The following TANGO6 variants were observed in gnomAD, a reference collection of about 807,000 sequenced individuals.
TANGO6 encodes the protein transport and golgi organization 6 homolog.
Under a neutral mutation model 114.2 loss-of-function variants are expected in TANGO6, and 90 were observed. That is an observed-to-expected ratio of 0.79 (90% CI 0.66 to 0.94). The LOEUF (loss-of-function observed/expected upper bound fraction) is 0.94. Ranked by LOEUF, TANGO6 falls within the 40% of genes least tolerant of loss-of-function variation. The pLI is 0.00. For missense variants in TANGO6, 1,274 were observed against 1,315.3 expected, an observed-to-expected ratio of 0.97 and a Z score of 0.49; for synonymous variants, 477 against 509.8, an observed-to-expected ratio of 0.94 and a Z score of 0.87.
intron 14 of TANGO6, among the ~76,000 whole-genome samples, chr16:68,943,536 T>C (rs1963379314): frequency 6.6e-6 from 1 of 151,992 alleles, no homozygotes; most frequent in African/African-American, 2.4e-5. Context: ...GGCTAATTTT[T>C]TGTGTTTTTT....
At position 68,989,236 on chromosome 16, in the gene TANGO6, TTACACATA is replaced by T. The variant is rs1963925133; in HGVS notation, c.2842+15071_2842+15078del. Reference sequence around the variant, plus strand: ...ATTTTTAAATTTTCATTCTAGGACTTTACACATATATTAGATTTTTTTGTTCTTGTTCT... The same window carrying T: ...ATTTTTAAATTTTCATTCTAGGACTTTATTAGATTTTTTTGTTCTTGTTCT... On this transcript the variant is annotated intron_variant, in intron 15 of 17. Coordinates refer to ENST00000261778, the MANE Select transcript of TANGO6 (RefSeq NM_024562.2). 2.6e-5 allele frequency among the ~76,000 whole-genome samples: 4 copies of T among 152,220 alleles called. No homozygotes were observed. In the South Asian group the frequency reaches 8.3e-4, roughly 32 times the overall value.
intron 17 of TANGO6, among the ~76,000 whole-genome samples, chr16:69,077,217 T>C (rs1171115200): frequency 6.6e-6 from 1 of 151,780 alleles, no homozygotes; most frequent in Non-Finnish European, 1.5e-5. Flanking sequence ...TTTTATTTTA[T>C]TTTATTTTAT....
At chr16:68,962,809 C>G (rs1446648705) in intron 14 of TANGO6, among the ~76,000 whole-genome samples, 1 of 151,476 alleles carries the variant, frequency 6.6e-6, no homozygotes, top group South Asian at 2.1e-4. Context: ...CGGCCGGGCG[C>G]GGTGGCTCAT....
At chr16:69,081,832 C>CTT (rs1346630417) in intron 17 of TANGO6, among the ~76,000 whole-genome samples, 2,681 of 138,814 alleles carry the variant, frequency 0.019, 22 homozygotes, top group Non-Finnish European at 0.027. Flanking sequence ...TAGTAGCAGA[C>CTT]TTTTTTTTTT....
intron 17 of TANGO6, among the ~76,000 whole-genome samples, chr16:69,044,087 CAG>C (rs1567564646): frequency 6.6e-6 from 1 of 152,168 alleles, no homozygotes; most frequent in Non-Finnish European, 1.5e-5. Context: ...TTTTTTGAGA[CAG>C]AGTCTCACTC....
intron 17 of TANGO6, among the ~76,000 whole-genome samples, chr16:69,070,020 A>C (rs1437667426): frequency 6.7e-6 from 1 of 149,572 alleles, no homozygotes; most frequent in East Asian, 2.0e-4. Context: ...CAGCCTGACC[A>C]ACATTGCAAA....
chr16:68,927,443 C>A lies in TANGO6; in HGVS notation c.2128-125C>A, dbSNP rs115045118. 720 of 1,013,526 alleles carry A rather than the reference C, an allele frequency of 7.1e-4. 7 individuals carry two copies. In the African/African-American group the frequency reaches 0.011, roughly 15 times the overall value. The allele number at this position is 1,013,526 out of a possible 1,614,324, so 62.8% of individuals were successfully genotyped here. The stretch of plus-strand genomic sequence containing the variant: ...TTCAGTGCTGGACCCAGGCAATACA[C>A]TGATTACACCATGAGCAAGATTTGA... On this transcript the variant is annotated intron_variant, in intron 12 of 17. Transcript: ENST00000261778.
At chr16:69,017,989 A>T (rs537345623) in intron 15 of TANGO6, among the ~76,000 whole-genome samples, 1 of 144,014 alleles carries the variant, frequency 6.9e-6, no homozygotes, top group South Asian at 2.2e-4. Context: ...CTGCAACCTC[A>T]TCATCCCAGG....
At chr16:68,873,327 T>G (rs1962307503) in intron 4 of TANGO6, among the ~76,000 whole-genome samples, 1 of 152,150 alleles carries the variant, frequency 6.6e-6, no homozygotes, top group Admixed American at 6.6e-5. Flanking sequence ...GTTTGTTTGT[T>G]TTTGAGACAG....
chr16:68,931,481 C>G (rs1376331677), intron 14 of TANGO6, among the ~76,000 whole-genome samples: 2 of 152,054 alleles, frequency 1.3e-5, no homozygotes, highest in African/African-American at 2.4e-5. Flanking sequence ...TTCACAATAA[C>G]CAAGAGGTGG....
intron 7 of TANGO6, among the ~76,000 whole-genome samples, chr16:68,890,049 C>G (rs1327078923): frequency 6.6e-6 from 1 of 152,140 alleles, no homozygotes; most frequent in Admixed American, 6.5e-5. Context: ...ACACTACTAT[C>G]AGAAAGATCA....
chr16:68,961,637 T>G (rs1461569282), intron 14 of TANGO6, among the ~76,000 whole-genome samples: 5 of 152,210 alleles, frequency 3.3e-5, no homozygotes. Context: ...ATTCACGTGT[T>G]TTTACTTTTT....
chr16:68,950,596 C>T (rs898728679), intron 14 of TANGO6, among the ~76,000 whole-genome samples: 1 of 150,830 alleles, frequency 6.6e-6, no homozygotes, highest in Non-Finnish European at 1.5e-5. Context: ...CGCGGTGGCT[C>T]ACACCTGTAG....
At chr16:69,061,071 G>A (rs1323076812) in intron 17 of TANGO6, among the ~76,000 whole-genome samples, 2 of 152,018 alleles carry the variant, frequency 1.3e-5, no homozygotes, top group Non-Finnish European at 2.9e-5. Context: ...TTTCCCAAGA[G>A]CAAAAGTTGC....
intron 15 of TANGO6, among the ~76,000 whole-genome samples, chr16:68,980,409 C>CTCTCTCTCTCTCTCTCTCTATATATATA (rs1408626276): frequency 4.4e-5 from 3 of 67,994 alleles, no homozygotes; most frequent in Non-Finnish European, 2.7e-5. Flanking sequence ...CTCTCTCTCT[C>CTCTCTCTCTCTCTCTCTCTATATATATA]TATATATATA....
intron 2 of TANGO6, among the ~76,000 whole-genome samples, chr16:68,860,739 T>A (rs1224683330): frequency 2.6e-5 from 4 of 152,178 alleles, no homozygotes; most frequent in Non-Finnish European, 1.5e-5. Context: ...ATTTCACCTG[T>A]CCCTTGTCAT....
intron 15 of TANGO6, among the ~76,000 whole-genome samples, chr16:68,988,151 T>C (rs1310853393): frequency 3.3e-5 from 5 of 152,084 alleles, no homozygotes; most frequent in African/African-American, 1.2e-4. Context: ...CTCCACTTTC[T>C]CCCTCCCCAT....
chr16:68,908,663 G>GT (rs1020450445), intron 10 of TANGO6, among the ~76,000 whole-genome samples: 1 of 152,188 alleles, frequency 6.6e-6, no homozygotes, highest in African/African-American at 2.4e-5. Context: ...AAAACCCACA[G>GT]TAATACATGA....
At chr16:68,944,316 A>G (rs967744969) in intron 14 of TANGO6, among the ~76,000 whole-genome samples, 6 of 152,228 alleles carry the variant, frequency 3.9e-5, no homozygotes, top group Admixed American at 2.6e-4. Flanking sequence ...AAAGCCAAAT[A>G]AACACAAGTG....
Sources: gnomAD v4.1 joint callset for allele counts (sites outside exome capture counted in the v4.1 genomes callset) on GRCh38, gnomAD v4.1.1 for gene constraint, MANE v1.5 for transcripts, NCBI Gene and HGNC (gene_info 2026-07-23, HGNC 2026-07-21) for gene names.